The following CLIP4 variants were observed in gnomAD, a reference collection of about 807,000 sequenced individuals.
The protein encoded by CLIP4 is CAP-Gly domain-containing linker protein 4.
Under a neutral mutation model 73.1 loss-of-function variants are expected in CLIP4, and 47 were observed. The observed-to-expected ratio is 0.64, with a 90% CI of 0.51 to 0.82. CLIP4 has a LOEUF of 0.82. Among genes scored for constraint, CLIP4 ranks in the 40% least tolerant of loss-of-function variants. The pLI is 0.00. For missense variants in CLIP4, 874 were observed against 852.9 expected (o/e 1.02, Z -0.31); for synonymous variants, 306 against 295.4 (o/e 1.04, Z -0.37).
At chr2:29,136,815 G>A (rs1665398936) in intron 6 of CLIP4, among the ~76,000 whole-genome samples, 1 of 151,958 alleles carries the variant, frequency 6.6e-6, no homozygotes, top group Non-Finnish European at 1.5e-5. Context: ...GCTTTTGTTG[G>A]TACAGCTGTT....
At chr2:29,138,458 T>TCTG (rs531615483) in intron 6 of CLIP4, among the ~76,000 whole-genome samples, 102 of 152,182 alleles carry the variant, frequency 6.7e-4, no homozygotes, top group Middle Eastern at 3.4e-3. Context: ...TTCTGTTCTT[T>TCTG]CTGCTTAGGA....
At position 29,143,692 on chromosome 2, in the gene CLIP4, C is replaced by G. The variant is rs1218240052; in HGVS notation, c.649-17C>G. 6.5e-7 allele frequency: 1 copy of G among 1,548,642 alleles called. No homozygotes were observed. Among genetic ancestry groups the G allele is most frequent in the Non-Finnish European group, 8.9e-7 (1 of 1,121,968 alleles). On this transcript the variant is annotated splice_polypyrimidine_tract_variant and intron_variant, in intron 6 of 15. Transcript: ENST00000320081. ...CTAAGTAAGAGTTGAACATTTTTCT[C>G]TTATCTTTATTTGTAGAATGACAAA...
At chr2:29,128,006 A>G (rs1664722483) in intron 2 of CLIP4, among the ~76,000 whole-genome samples, 1 of 152,284 alleles carries the variant, frequency 6.6e-6, no homozygotes, top group Non-Finnish European at 1.5e-5. Flanking sequence ...AAACACTTAC[A>G]TTAATAATAT....
Position 29,163,870 on chromosome 2 carries a change from A to G in CLIP4, c.1574A>G (p.Lys525Arg). The change falls in exon 13 of 16, where the codon AAG becomes AGG. Residue 525 changes from lysine (K) to arginine (R), a missense_variant. Coordinates refer to ENST00000320081, the MANE Select transcript of CLIP4 (RefSeq NM_024692.6). The stretch of plus-strand genomic sequence containing the variant: ...ATAGAGCTTGAAAAACCCCATGGCA[A>G]GAATGATGGTTCAGTTGGAGGTGTG... ...YGIELEKPHGKNDGSVGGVQY... is the reference protein window; with the variant it reads ...YGIELEKPHGRNDGSVGGVQY... The G allele has an allele frequency of 6.2e-7, 1 of 1,613,722 alleles. No individual in the cohort carries two copies. Among genetic ancestry groups the G allele is most frequent in the Non-Finnish European group, 8.5e-7 (1 of 1,179,652 alleles).
chr2:29,112,491 A>G (rs1057384273), upstream of CLIP4, among the ~76,000 whole-genome samples: 2 of 152,144 alleles, frequency 1.3e-5, no homozygotes, highest in African/African-American at 4.8e-5. Context: ...AGTTTGTTAA[A>G]CTTTATTGTT....
At chr2:29,173,021 G>A (rs939101193) in intron 14 of CLIP4, among the ~76,000 whole-genome samples, 22 of 152,098 alleles carry the variant, frequency 1.4e-4, no homozygotes, top group African/African-American at 5.3e-4. Context: ...GCCTTTGTGA[G>A]TCTGATTCTG....
chr2:29,106,623 T>A (rs1445920575), intron 1 of CLIP4, among the ~76,000 whole-genome samples: 1 of 152,110 alleles, frequency 6.6e-6, no homozygotes, highest in East Asian at 1.9e-4. Context: ...CCAATTCAGG[T>A]TCCCCACACT....
intron 6 of CLIP4, among the ~76,000 whole-genome samples, chr2:29,139,457 C>T (rs1373746196): frequency 6.6e-6 from 1 of 151,896 alleles, no homozygotes; most frequent in Non-Finnish European, 1.5e-5. Flanking sequence ...TTTGTTGTGT[C>T]TTTGCCAGAT....
chr2:29,181,055 C>T (rs1413375930), intron 15 of CLIP4, among the ~76,000 whole-genome samples: 1 of 152,104 alleles, frequency 6.6e-6, no homozygotes, highest in Non-Finnish European at 1.5e-5. Flanking sequence ...TAACTTTGGA[C>T]TCCCCCAAAA....
At chr2:29,131,117 T>C in intron 2 of CLIP4, 141 bp from the exon 3 acceptor site, 1 of 879,718 alleles carries the variant, frequency 1.1e-6, no homozygotes, top group Non-Finnish European at 1.7e-6. Flanking sequence ...TTCATAATAT[T>C]TTCCTTATTT....
chr2:29,112,038 T>C (rs1043262744), upstream of CLIP4, among the ~76,000 whole-genome samples: 1 of 152,300 alleles, frequency 6.6e-6, no homozygotes, highest in East Asian at 1.9e-4. Context: ...ATTTTTCTCA[T>C]TGATCTGTGG....
At chr2:29,146,778 G>A (rs1250890801) in intron 8 of CLIP4, among the ~76,000 whole-genome samples, 1 of 152,130 alleles carries the variant, frequency 6.6e-6, no homozygotes, top group Non-Finnish European at 1.5e-5. Flanking sequence ...TTGTGCCTCA[G>A]TTGTCTTCTG....
intron 11 of CLIP4, 47 bp from the exon 12 acceptor site, chr2:29,160,286 C>A: frequency 6.2e-7 from 1 of 1,612,524 alleles, no homozygotes; most frequent in South Asian, 1.1e-5. Context: ...TTTGTTTTTT[C>A]TCCTCTTTTC....
At chr2:29,111,277 A>G (rs1668380670), upstream of CLIP4, among the ~76,000 whole-genome samples, 1 of 152,214 alleles carries the variant, frequency 6.6e-6, no homozygotes, top group Non-Finnish European at 1.5e-5. Flanking sequence ...TGGTGGGTGA[A>G]GCAGTGGTGT....
In CLIP4 at chr2:29,157,708, G is replaced by A. The variant is rs536110843; in HGVS notation, c.1399+361G>A. 2.6e-5 allele frequency among the ~76,000 whole-genome samples: 4 copies of A among 152,196 alleles called. No individual in the cohort carries two copies. In the South Asian group the frequency reaches 8.3e-4, roughly 32 times the overall value. ...CTTAAAACCTAGGAGAAGGTCAGAGGGTCCTCTCCCAGGATGGCAATACCA... is the reference window on the plus strand; with the variant it reads ...CTTAAAACCTAGGAGAAGGTCAGAGAGTCCTCTCCCAGGATGGCAATACCA... On this transcript the variant is annotated intron_variant, in intron 11 of 15. Coordinates refer to ENST00000320081, the MANE Select transcript of CLIP4 (RefSeq NM_024692.6).
At chr2:29,156,779 G>A (rs1348369621) in intron 10 of CLIP4, among the ~76,000 whole-genome samples, 2 of 152,158 alleles carry the variant, frequency 1.3e-5, no homozygotes, top group Non-Finnish European at 2.9e-5. Context: ...TTGAGCATGA[G>A]TATTCCTTCT....
At chr2:29,109,162 T>C (rs552474905) in intron 1 of CLIP4, among the ~76,000 whole-genome samples, 1 of 152,300 alleles carries the variant, frequency 6.6e-6, no homozygotes, top group South Asian at 2.1e-4. Flanking sequence ...GCTGGGGAGA[T>C]TGTTGGACTG....
intron 9 of CLIP4, among the ~76,000 whole-genome samples, chr2:29,153,192 G>A (rs577439979): frequency 1.3e-5 from 2 of 152,040 alleles, no homozygotes; most frequent in South Asian, 4.2e-4. Flanking sequence ...GTCCTGACTC[G>A]GGAAACTAGC....
intron 7 of CLIP4, 43 bp from the exon 8 acceptor site, chr2:29,145,189 A>G: frequency 6.4e-7 from 1 of 1,564,206 alleles, no homozygotes; most frequent in Non-Finnish European, 8.8e-7. Flanking sequence ...CCTTGGAATT[A>G]CTAATAATTC....
Sources: allele counts gnomAD v4.1 joint callset (sites outside exome capture counted in the v4.1 genomes callset), GRCh38; gene constraint gnomAD v4.1.1; transcripts MANE v1.5; gene names NCBI Gene and HGNC (gene_info 2026-07-23, HGNC 2026-07-21).